The following CTCF variants were observed in gnomAD, a reference collection of about 807,000 sequenced individuals.
The protein encoded by CTCF is transcriptional repressor CTCF.
A neutral mutation model predicts 72.3 loss-of-function variants in CTCF; 7 were observed. The observed-to-expected ratio is 0.10, with a 90% CI of 0.06 to 0.18. The LOEUF (loss-of-function observed/expected upper bound fraction) is 0.18, where lower values mean the gene tolerates loss of function less well. Ranked by LOEUF, CTCF falls within the 10% of genes least tolerant of loss-of-function variation. The pLI, the probability that CTCF is intolerant of heterozygous loss-of-function variation, is 1.00. For synonymous variants in CTCF, 374 were observed against 315.8 expected (o/e 1.18, Z -1.95); for missense variants, 516 against 949.1 (o/e 0.54, Z 6.00).
intron 5 of CTCF, 31 bp downstream of exon 5, chr16:67,616,909 C>T: frequency 1.9e-6 from 3 of 1,605,130 alleles, no homozygotes; most frequent in Non-Finnish European, 2.6e-6. Flanking sequence ...TGGTATCTCT[C>T]TTAGGCAGAC....
chr16:67,601,293 CCGTGTGTGTG>C (rs1271254112), intron 2 of CTCF, among the ~76,000 whole-genome samples: 5 of 75,534 alleles, frequency 6.6e-5, no homozygotes, highest in African/African-American at 2.5e-4. Context: ...CACTCTGTCA[CCGTGTGTGTG>C]TGTGTGTGTG....
chr16:67,596,947 T>C (rs1380632920), intron 2 of CTCF, among the ~76,000 whole-genome samples: 1 of 152,180 alleles, frequency 6.6e-6, no homozygotes, highest in Non-Finnish European at 1.5e-5. Flanking sequence ...TGATTTCTCT[T>C]ATTACTTAGG....
rs2052460326 is a variant in CTCF, at chr16:67,638,283, T to TA, written c.*414dup. On this transcript the variant is annotated 3_prime_UTR_variant, in exon 12 of 12. Coordinates refer to ENST00000264010, the MANE Select transcript of CTCF (RefSeq NM_006565.4). The stretch of plus-strand genomic sequence containing the variant: ...CATACTTGGGAAGGACTTAGAGTTT[T>TA]AAACTGTTTTTTGCTTTTGCTTTTC... The TA allele has an allele frequency of 4.2e-6, 1 of 237,882 alleles. No homozygotes were observed. The highest frequency in any genetic ancestry group is 8.2e-6 in the Non-Finnish European group (1 of 121,532). The allele number at this position is 237,882 out of a possible 1,614,324, so 14.7% of individuals were successfully genotyped here.
chr16:67,621,646 C>T lies in CTCF; in HGVS notation c.1357+55C>T, dbSNP rs541326079. Reference sequence around the variant, plus strand: ...AAAATATTTTGAAGGATTTATATTTCGAAATATGGGGATCAAAAATAACTT... The same window carrying T: ...AAAATATTTTGAAGGATTTATATTTTGAAATATGGGGATCAAAAATAACTT... On this transcript the variant is annotated intron_variant, in intron 7 of 11. Coordinates refer to ENST00000264010, the MANE Select transcript of CTCF (RefSeq NM_006565.4). 626 of 1,316,984 alleles carry T rather than the reference C, an allele frequency of 4.8e-4. 2 individuals carry two copies. The highest frequency in any genetic ancestry group is 4.2e-3 in the South Asian group (303 of 72,880). 81.6% of individuals were successfully genotyped at this position (1,316,984 alleles called of 1,614,324 possible).
intron 2 of CTCF, among the ~76,000 whole-genome samples, chr16:67,600,431 T>C (rs2142788320): frequency 6.6e-6 from 1 of 152,180 alleles, no homozygotes; most frequent in South Asian, 2.1e-4. Context: ...TGTTTCACCA[T>C]GTTGCCCAAG....
At chr16:67,607,659 T>C (rs1307722213) in intron 2 of CTCF, among the ~76,000 whole-genome samples, 1 of 152,046 alleles carries the variant, frequency 6.6e-6, no homozygotes, top group South Asian at 2.1e-4. Flanking sequence ...TGTTTTCTGC[T>C]TTCTATTATA....
chr16:67,570,972 T>A (rs769460897), intron 1 of CTCF, 176 bp from the exon 2 acceptor site: 14 of 152,162 alleles, frequency 9.2e-5, no homozygotes, highest in Non-Finnish European at 1.8e-4. Context: ...GAATGTTTTG[T>A]TATTGGCTTG....
chr16:67,633,741 G>T (rs943198819), intron 10 of CTCF, among the ~76,000 whole-genome samples: 1 of 149,770 alleles, frequency 6.7e-6, no homozygotes, highest in Non-Finnish European at 1.5e-5. Flanking sequence ...ACAAGACCCC[G>T]CCTCAAAAAA....
intron 2 of CTCF, among the ~76,000 whole-genome samples, chr16:67,584,967 T>G (rs906167232): frequency 3.9e-5 from 6 of 152,218 alleles, no homozygotes; most frequent in Non-Finnish European, 7.3e-5. Flanking sequence ...AAAACATGCA[T>G]CAATGTGTAT....
At chr16:67,618,363 C>G (rs2052160466) in intron 5 of CTCF, among the ~76,000 whole-genome samples, 1 of 152,206 alleles carries the variant, frequency 6.6e-6, no homozygotes, top group Non-Finnish European at 1.5e-5. Context: ...GATCGCACCA[C>G]TGCACTCCAG....
chr16:67,632,582 T>C (rs2052379839), intron 10 of CTCF, among the ~76,000 whole-genome samples: 1 of 152,210 alleles, frequency 6.6e-6, no homozygotes, highest in Non-Finnish European at 1.5e-5. Flanking sequence ...TACTGCTGTT[T>C]TCAAGGCTTT....
chr16:67,626,303 A>G (rs2142861817), intron 7 of CTCF, among the ~76,000 whole-genome samples: 1 of 151,706 alleles, frequency 6.6e-6, no homozygotes, highest in South Asian at 2.1e-4. Context: ...AAATAAAAAA[A>G]TTAGCCGGGC....
chr16:67,565,901 T>TG (rs1169582679), intron 1 of CTCF, among the ~76,000 whole-genome samples: 24 of 152,198 alleles, frequency 1.6e-4, no homozygotes, highest in Non-Finnish European at 2.8e-4. Context: ...CTTAAGGCCC[T>TG]GGGGAGGAAT....
intron 2 of CTCF, among the ~76,000 whole-genome samples, chr16:67,604,375 G>A (rs950207599): frequency 3.3e-5 from 5 of 152,004 alleles, no homozygotes; most frequent in Admixed American, 6.6e-5. Flanking sequence ...ACAGAGTCTC[G>A]CTCTGTTGCC....
intron 2 of CTCF, among the ~76,000 whole-genome samples, chr16:67,601,173 G>C (rs565415871): frequency 6.1e-4 from 93 of 151,770 alleles, no homozygotes; most frequent in Non-Finnish European, 6.5e-4. Context: ...CGTCTGGAAA[G>C]AAAGTAAAAG....
At chr16:67,628,912 T>G (rs140837060) in intron 9 of CTCF, among the ~76,000 whole-genome samples, 7 of 151,870 alleles carry the variant, frequency 4.6e-5, no homozygotes, top group African/African-American at 7.3e-5. Context: ...TACAAAAAAT[T>G]AGCTGGGTGC....
chr16:67,610,406 G>A (rs955501423), intron 2 of CTCF, among the ~76,000 whole-genome samples: 15 of 145,310 alleles, frequency 1.0e-4, no homozygotes, highest in Non-Finnish European at 1.9e-4. Flanking sequence ...ACGCTGGAGC[G>A]CAGTGGTGCA....
intron 2 of CTCF, among the ~76,000 whole-genome samples, chr16:67,579,997 TG>T (rs1476732438): frequency 2.0e-5 from 3 of 152,134 alleles, no homozygotes; most frequent in Admixed American, 6.6e-5. Context: ...TTCAGCATGG[TG>T]GTTTCAGAAG....
At chr16:67,601,385 C>T (rs929363495) in intron 2 of CTCF, among the ~76,000 whole-genome samples, 1 of 150,888 alleles carries the variant, frequency 6.6e-6, no homozygotes, top group Non-Finnish European at 1.5e-5. Context: ...GTCACCCAGC[C>T]TGGAGTGCAG....
Sources: allele counts gnomAD v4.1 joint callset (sites outside exome capture counted in the v4.1 genomes callset), GRCh38; gene constraint gnomAD v4.1.1; transcripts MANE v1.5; gene names NCBI Gene and HGNC (gene_info 2026-07-23, HGNC 2026-07-21).